The following CHI3L1 variants were observed in gnomAD, a reference collection of about 807,000 sequenced individuals.
CHI3L1 encodes chitinase-3-like protein 1.
Under a neutral mutation model 40.7 loss-of-function variants are expected in CHI3L1, and 30 were observed. The observed-to-expected ratio is 0.74, with a 90% CI of 0.55 to 1.00. The LOEUF (loss-of-function observed/expected upper bound fraction) is 1.00. Ranked by LOEUF, CHI3L1 falls within the 50% of genes least tolerant of loss-of-function variation. The probability of loss-of-function intolerance (pLI) is 0.00; values close to 1 mark genes in which losing one functional copy is unlikely to be tolerated. For missense variants in CHI3L1, 493 were observed against 492.2 expected (o/e 1.00, Z -0.01); for synonymous variants, 210 against 192.1 (o/e 1.09, Z -0.77).
In CHI3L1 at chr1:203,183,717, T is replaced by C; in HGVS notation, c.389A>G (p.His130Arg). 3 of 1,614,038 alleles carry C rather than the reference T, an allele frequency of 1.9e-6. No individual in the cohort carries two copies. The highest frequency in any genetic ancestry group is 2.5e-6 in the Non-Finnish European group (3 of 1,179,978). The change falls in exon 5 of 10, where the codon CAT becomes CGT. Residue 130 changes from histidine to arginine, a missense_variant. Transcript: ENST00000255409. ...GGCAAGGTCCAGCCCATCAAAGCCA[T>C]GGGTGCGCAGAAATGGCGGTACTGA... is the stretch of plus-strand genomic sequence containing the variant. Reference protein sequence around the residue: ...IKSVPPFLRTHGFDGLDLAWL... With the variant: ...IKSVPPFLRTRGFDGLDLAWL...
In CHI3L1 at chr1:203,179,434, A is replaced by G; in HGVS notation, c.*11T>C. 6.6e-7 allele frequency: 1 copy of G among 1,524,428 alleles called. No homozygotes were observed. Among genetic ancestry groups the G allele is most frequent in the Non-Finnish European group, 8.8e-7 (1 of 1,135,758 alleles). The allele number at this position is 1,524,428 out of a possible 1,614,324, so 94.4% of individuals were successfully genotyped here. ...CATCCTTGGCCCCCGTGCTGTGTGCAGAACAGAGGGCTACGTTGCAGCGAG... is the reference window on the plus strand; with the variant it reads ...CATCCTTGGCCCCCGTGCTGTGTGCGGAACAGAGGGCTACGTTGCAGCGAG... On this transcript the variant is annotated 3_prime_UTR_variant, in exon 10 of 10. Coordinates refer to ENST00000255409, the MANE Select transcript of CHI3L1 (RefSeq NM_001276.4).
chr1:203,183,085 A>G (rs1204345470), intron 5 of CHI3L1, among the ~76,000 whole-genome samples: 2 of 152,106 alleles, frequency 1.3e-5, no homozygotes, highest in African/African-American at 2.4e-5. Context: ...TCAGCACTCA[A>G]TTACTCCCTG....
Position 203,186,699 on chromosome 1 carries a change from G to A in CHI3L1, c.-76C>T. ...CTCCTGGTGCCAGCTACCTAGACAG[G>A]GCCTCTTCCCCAGGCCCTGTACTTC... On this transcript the variant is annotated 5_prime_UTR_variant, in exon 1 of 10. Coordinates refer to ENST00000255409, the MANE Select transcript of CHI3L1 (RefSeq NM_001276.4). 1.9e-6 allele frequency: 3 copies of A among 1,562,008 alleles called. No individual in the cohort carries two copies. Among genetic ancestry groups the A allele is most frequent in the African/African-American group, 1.4e-5 (1 of 73,970 alleles).
Position 203,180,478 on chromosome 1 carries a change from A to G in CHI3L1, c.886T>C (p.Tyr296His). 6.3e-7 allele frequency: 1 copy of G among 1,584,728 alleles called. No homozygotes were observed. Among genetic ancestry groups the G allele is most frequent in the Non-Finnish European group, 8.6e-7 (1 of 1,169,106 alleles). Reference protein sequence around the residue: ...RFTKEAGTLAYYEICDFLRGA... With the variant: ...RFTKEAGTLAHYEICDFLRGA... ...CTCCCCAACTCCATTACCTCATAGT[A>G]GGCAAGGGTCCCTGCCTCCTTGGTG... The change falls in exon 8 of 10, where the codon TAC (tyrosine) becomes CAC (histidine). Residue 296 changes from tyrosine to histidine, a missense_variant. By Grantham distance (83) the Tyr-to-His change is moderately conservative. Coordinates refer to ENST00000255409, the MANE Select transcript of CHI3L1 (RefSeq NM_001276.4).
Position 203,186,686 on chromosome 1 carries a change from G to A in CHI3L1, c.-63C>T. ...CCCTTGCCCACGGCTCCTGGTGCCA[G>A]CTACCTAGACAGGGCCTCTTCCCCA... On this transcript the variant is annotated 5_prime_UTR_variant, in exon 1 of 10. Transcript: ENST00000255409. 1 of 1,599,254 alleles carries A rather than the reference G, an allele frequency of 6.3e-7. No homozygotes were observed. The highest frequency in any genetic ancestry group is 8.6e-7 in the Non-Finnish European group (1 of 1,167,160).
intron 2 of CHI3L1, 48 bp downstream of exon 2, chr1:203,186,268 C>T: frequency 6.4e-7 from 1 of 1,557,658 alleles, no homozygotes. Context: ...TGCCCTGTGC[C>T]CTCGCCACGC....
At position 203,183,632 on chromosome 1, in the gene CHI3L1, G is replaced by C. The variant is rs755350030; in HGVS notation, c.465+9C>G. ...CCACCTCCCTCCCTGTCCCTGACCT[G>C]ACCAGCACCTTGATTAGGGTGGTAA... On this transcript the variant is annotated intron_variant, in intron 5 of 9. Transcript: ENST00000255409. 9.3e-6 allele frequency: 15 copies of C among 1,613,918 alleles called. 1 individual carries two copies. In the Middle Eastern group the frequency reaches 5.0e-4, roughly 54 times the overall value.
At position 203,184,623 on chromosome 1, in the gene CHI3L1, G is replaced by T. The variant is rs376864309; in HGVS notation, c.267C>A (p.Asn89Lys). ...CTCCGACAGACAAGAGAGTCTTCAG[G>T]TTGGGGTTCCTGTGGAGCACAGGGA... Reference protein sequence around the residue: ...MLNTLKNRNPNLKTLLSVGGW... With the variant: ...MLNTLKNRNPKLKTLLSVGGW... The change falls in exon 4 of 10, where the codon AAC becomes AAA. Residue 89 changes from asparagine (N) to lysine (K), a missense_variant. Physicochemically the swap from Asn to Lys is moderately conservative, Grantham distance 94. Transcript: ENST00000255409. The T allele has an allele frequency of 3.7e-6, 6 of 1,614,038 alleles. No individual in the cohort carries two copies. In the Middle Eastern group the frequency reaches 8.3e-4, roughly 222 times the overall value.
intron 7 of CHI3L1, 66 bp downstream of exon 7, chr1:203,181,096 T>C: frequency 6.3e-7 from 1 of 1,589,294 alleles, no homozygotes; most frequent in Non-Finnish European, 8.6e-7. Flanking sequence ...GAGATTGGTG[T>C]GTGAGCACTG....
intron 4 of CHI3L1, 32 bp from the exon 5 acceptor site, chr1:203,183,823 A>C: frequency 6.2e-7 from 1 of 1,613,324 alleles, no homozygotes; most frequent in Non-Finnish European, 8.5e-7. Context: ...TAGCATGCTC[A>C]GCACTGATAT....
intron 8 of CHI3L1, 84 bp from the exon 9 acceptor site, chr1:203,179,961 CT>C (rs1655899758): frequency 8.1e-7 from 1 of 1,236,954 alleles, no homozygotes; most frequent in Non-Finnish European, 1.2e-6. Context: ...CTCCAAATCT[CT>C]TTTAGCTCCT....
intron 4 of CHI3L1, among the ~76,000 whole-genome samples, 158 bp from the exon 5 acceptor site, chr1:203,183,949 G>A (rs928550737): frequency 6.6e-6 from 1 of 152,180 alleles, no homozygotes; most frequent in Non-Finnish European, 1.5e-5. Flanking sequence ...GCATGCATGT[G>A]CCTTAGAGCC....
At chr1:203,183,879 C>T in intron 4 of CHI3L1, 88 bp from the exon 5 acceptor site, 1 of 1,465,874 alleles carries the variant, frequency 6.8e-7, no homozygotes, top group Non-Finnish European at 9.5e-7. Context: ...ACCTGCAGAG[C>T]TGGGATCCTG....
Position 203,180,494 on chromosome 1 carries a change from C to T in CHI3L1, c.870G>A (p.Glu290=). Reference sequence around the variant, plus strand: ...CCTCATAGTAGGCAAGGGTCCCTGCCTCCTTGGTGAACCGGCCTGGAATTC... The same window carrying T: ...CCTCATAGTAGGCAAGGGTCCCTGCTTCCTTGGTGAACCGGCCTGGAATTC... ...GPGIPGRFTK[E]AGTLAYYEIC... The change falls in exon 8 of 10, where the codon GAG becomes GAA. Residue 290 remains glutamate (E), a synonymous_variant. Transcript: ENST00000255409. The T allele has an allele frequency of 6.3e-7, 1 of 1,598,854 alleles. No individual in the cohort carries two copies. Among genetic ancestry groups the T allele is most frequent in the Non-Finnish European group, 8.5e-7 (1 of 1,174,550 alleles).
chr1:203,179,021 T>C lies in CHI3L1; in HGVS notation c.*424A>G. On this transcript the variant is annotated 3_prime_UTR_variant, in exon 10 of 10. Transcript: ENST00000255409. ...CACGATTACGTTCCTAAGTGAAGGTTTCAAGCTGGGCTTTGCAGGGGGTAT... is the reference window on the plus strand; with the variant it reads ...CACGATTACGTTCCTAAGTGAAGGTCTCAAGCTGGGCTTTGCAGGGGGTAT... The C allele has an allele frequency of 6.3e-6, 1 of 158,944 alleles. No individual in the cohort carries two copies. Among genetic ancestry groups the C allele is most frequent in the Non-Finnish European group, 1.4e-5 (1 of 72,304 alleles). 9.8% of individuals were successfully genotyped at this position (158,944 alleles called of 1,614,324 possible). A position where few individuals can be genotyped will look rare whatever the true frequency, so the allele number is the denominator to read the frequency against.
chr1:203,180,444 T>A lies in CHI3L1; in HGVS notation c.894+26A>T, dbSNP rs370123624. On this transcript the variant is annotated intron_variant, in intron 8 of 9. Coordinates refer to ENST00000255409, the MANE Select transcript of CHI3L1 (RefSeq NM_001276.4). ...CAGGGCTGCTGGTGGTGTGGGGGAA[T>A]CCTACCTTCTCCCCAACTCCATTAC... is the stretch of plus-strand genomic sequence containing the variant. 188 of 1,518,790 alleles carry A rather than the reference T, an allele frequency of 1.2e-4. 1 individual carries two copies. Among genetic ancestry groups the A allele is most frequent in the African/African-American group, 1.8e-4 (13 of 70,584 alleles). The allele number at this position is 1,518,790 out of a possible 1,614,324, so 94.1% of individuals were successfully genotyped here.
rs114586294 is a variant in CHI3L1, at chr1:203,180,285, G to A, written c.894+185C>T. 400 of 607,284 alleles carry A rather than the reference G, an allele frequency of 6.6e-4. 1 individual carries two copies. The highest frequency in any genetic ancestry group is 8.8e-4 in the Non-Finnish European group (311 of 352,932). 37.6% of individuals were successfully genotyped at this position (607,284 alleles called of 1,614,324 possible). Reference sequence around the variant, plus strand: ...CCTAGTGGTGCAGGCCCATGTGCCTGTACCTGCTGGAGATTTTCAGCAACA... The same window carrying A: ...CCTAGTGGTGCAGGCCCATGTGCCTATACCTGCTGGAGATTTTCAGCAACA... On this transcript the variant is annotated intron_variant, in intron 8 of 9. Coordinates refer to ENST00000255409, the MANE Select transcript of CHI3L1 (RefSeq NM_001276.4).
Position 203,180,671 on chromosome 1 carries a change from G to GT in CHI3L1, c.712-20_712-19insA. 8 of 728,540 alleles carry GT rather than the reference G, an allele frequency of 1.1e-5. No individual in the cohort carries two copies. The highest frequency in any genetic ancestry group is 1.9e-5 in the Non-Finnish European group (8 of 427,602). The allele number at this position is 728,540 out of a possible 1,614,324, so 45.1% of individuals were successfully genotyped here. A position where few individuals can be genotyped will look rare whatever the true frequency, so the allele number is the denominator to read the frequency against. On this transcript the variant is annotated intron_variant, in intron 7 of 9. Coordinates refer to ENST00000255409, the MANE Select transcript of CHI3L1 (RefSeq NM_001276.4). Reference sequence around the variant, plus strand: ...CATAGTCCTGGGTGGGGTAGGGTGGGAACAACGTGAGCAGTTAGTGCACAG... The same window carrying GT: ...CATAGTCCTGGGTGGGGTAGGGTGGGTAACAACGTGAGCAGTTAGTGCACAG...
chr1:203,182,958 A>AGGCAGGTTGGGGAGT, intron 5 of CHI3L1, 106 bp from the exon 6 acceptor site: 1 of 1,193,988 alleles, frequency 8.4e-7, no homozygotes, highest in Non-Finnish European at 1.2e-6. Flanking sequence ...TGTACTCCCC[A>AGGCAGGTTGGGGAGT]ACCTGCCTGG....
Sources: gnomAD v4.1 joint callset for allele counts (sites outside exome capture counted in the v4.1 genomes callset) on GRCh38, gnomAD v4.1.1 for gene constraint, MANE v1.5 for transcripts, NCBI Gene and HGNC (gene_info 2026-07-23, HGNC 2026-07-21) for gene names.